The following SPNS3 variants were observed in gnomAD, a reference collection of about 807,000 sequenced individuals.
SPNS3 encodes protein spinster homolog 3.
Under a neutral mutation model 54.4 loss-of-function variants are expected in SPNS3, and 51 were observed. The ratio of observed to expected loss-of-function variants is 0.94; its 90% CI spans 0.75 to 1.18. The LOEUF is 1.18. SPNS3 is among the 50% of genes most tolerant of loss of function. The pLI is 0.00. For missense variants in SPNS3, 669 were observed against 677.4 expected (o/e 0.99, Z 0.14); for synonymous variants, 309 against 294.7 (o/e 1.05, Z -0.50).
At chr17:4,463,308 A>G (rs1441158574) in intron 8 of SPNS3, among the ~76,000 whole-genome samples, 4 of 151,438 alleles carry the variant, frequency 2.6e-5, no homozygotes, top group Non-Finnish European at 5.9e-5. Context: ...GAGGCAGGAG[A>G]ATCACTTGAG....
At chr17:4,480,960 A>G (rs892606714) in intron 9 of SPNS3, among the ~76,000 whole-genome samples, 5 of 152,104 alleles carry the variant, frequency 3.3e-5, no homozygotes, top group African/African-American at 1.2e-4. Flanking sequence ...CGGTTCCTCC[A>G]TGTTGCTGCT....
At chr17:4,441,192 T>C (rs1051593960) in intron 2 of SPNS3, among the ~76,000 whole-genome samples, 2 of 152,082 alleles carry the variant, frequency 1.3e-5, no homozygotes, top group Non-Finnish European at 2.9e-5. Context: ...TAGCTGAAAA[T>C]GTGTGGAGGA....
At chr17:4,450,614 G>T (rs1422247699) in intron 7 of SPNS3, among the ~76,000 whole-genome samples, 1 of 149,228 alleles carries the variant, frequency 6.7e-6, no homozygotes, top group Non-Finnish European at 1.5e-5. Flanking sequence ...ATTTTTTTTT[G>T]AGACAGAGTT....
chr17:4,483,985 G>C lies in SPNS3; in HGVS notation c.1180-2243G>C, dbSNP rs947369736. 2.0e-5 allele frequency among the ~76,000 whole-genome samples: 3 copies of C among 152,172 alleles called. No homozygotes were observed. Among genetic ancestry groups the C allele is most frequent in the African/African-American group, 4.8e-5 (2 of 41,432 alleles). ...CTCTTTGCCAGTTACTCTGCCATCC[G>C]TTTACAGGGCTAGTGATGAACTTGT... On this transcript the variant is annotated intron_variant, in intron 9 of 11. Coordinates refer to ENST00000355530, the MANE Select transcript of SPNS3 (RefSeq NM_182538.5). This position sits in a 1 kb window ranked among gnomAD's most constrained non-coding sequence, Gnocchi z 4.2.
At chr17:4,468,279 A>T (rs1323307239) in intron 8 of SPNS3, among the ~76,000 whole-genome samples, 3 of 152,172 alleles carry the variant, frequency 2.0e-5, no homozygotes, top group South Asian at 2.1e-4. Context: ...AGAAAAAATT[A>T]AAAAAACAAA....
At chr17:4,450,450 T>C (rs1397690110) in intron 7 of SPNS3, among the ~76,000 whole-genome samples, 2 of 145,256 alleles carry the variant, frequency 1.4e-5, no homozygotes, top group African/African-American at 2.5e-5. Flanking sequence ...GGTCTCACTC[T>C]GTCACCAGGC....
chr17:4,476,510 A>T (rs1302588562), intron 8 of SPNS3, among the ~76,000 whole-genome samples: 2 of 152,052 alleles, frequency 1.3e-5, no homozygotes, highest in African/African-American at 4.8e-5. Context: ...TGGCAATGTG[A>T]AGGGGGGAGA....
chr17:4,446,284 A>G (rs1970986040), intron 4 of SPNS3, 85 bp downstream of exon 4: 1 of 1,437,826 alleles, frequency 7.0e-7, no homozygotes, highest in Admixed American at 2.1e-5. Context: ...TGGGTAGGAG[A>G]GGTCAAACCA....
At chr17:4,468,535 T>C (rs914380786) in intron 8 of SPNS3, among the ~76,000 whole-genome samples, 8 of 150,424 alleles carry the variant, frequency 5.3e-5, no homozygotes, top group African/African-American at 2.0e-4. Context: ...CCTGAGCAGC[T>C]AGAAGCATAT....
chr17:4,464,785 AT>A (rs1444355072), intron 8 of SPNS3, among the ~76,000 whole-genome samples: 7 of 152,032 alleles, frequency 4.6e-5, no homozygotes, highest in African/African-American at 1.7e-4. Context: ...GGTTCAAGCG[AT>A]TCTCCTGTCT....
At chr17:4,473,701 G>C in intron 8 of SPNS3, among the ~76,000 whole-genome samples, 1 of 152,006 alleles carries the variant, frequency 6.6e-6, no homozygotes, top group East Asian at 1.9e-4. Context: ...TCCCAGTCTT[G>C]AAGACTCCTG....
chr17:4,445,819 G>A (rs928431256), intron 3 of SPNS3, among the ~76,000 whole-genome samples: 2 of 152,036 alleles, frequency 1.3e-5, no homozygotes, highest in Non-Finnish European at 2.9e-5. Flanking sequence ...TAGCAATGGT[G>A]GGACCCAGGA....
intron 9 of SPNS3, among the ~76,000 whole-genome samples, chr17:4,482,920 C>T (rs774292520): frequency 3.3e-5 from 5 of 152,180 alleles, no homozygotes; most frequent in Non-Finnish European, 5.9e-5. Context: ...AGTTGGGGGG[C>T]TAGAGCAGAA....
Position 4,449,369 on chromosome 17 carries a change from C to T in SPNS3, c.905C>T (p.Pro302Leu), listed in dbSNP as rs145760057. The T allele has an allele frequency of 1.9e-5, 31 of 1,602,812 alleles. No individual in the cohort carries two copies. Among genetic ancestry groups the T allele is most frequent in the Admixed American group, 3.4e-5 (2 of 58,402 alleles). The change falls in exon 7 of 12, where the codon CCG becomes CTG. Residue 302 changes from proline (P) to leucine (L), a missense_variant. Coordinates refer to ENST00000355530, the MANE Select transcript of SPNS3 (RefSeq NM_182538.5). ...HGLQPPCFQE[P>L]CSNPDSLIFG... ...CTGCAGCCTCCCTGCTTCCAGGAGCCGTGCAGCAACCCCGACAGGTGAGGG... is the reference window on the plus strand; with the variant it reads ...CTGCAGCCTCCCTGCTTCCAGGAGCTGTGCAGCAACCCCGACAGGTGAGGG...
chr17:4,445,878 C>G (rs62067395), intron 3 of SPNS3, among the ~76,000 whole-genome samples, 170 bp from the exon 4 acceptor site: 18,575 of 152,008 alleles, frequency 0.12, 1,419 homozygotes, highest in Non-Finnish European at 0.16. Context: ...AGGGGACACA[C>G]GTTTGACTTT....
At chr17:4,458,037 C>G (rs1412830242) in intron 8 of SPNS3, among the ~76,000 whole-genome samples, 1 of 151,464 alleles carries the variant, frequency 6.6e-6, no homozygotes. Flanking sequence ...TCTGTCTGTG[C>G]CTCCGTAGAA....
intron 9 of SPNS3, among the ~76,000 whole-genome samples, chr17:4,479,963 T>C (rs935349841): frequency 1.3e-5 from 2 of 152,254 alleles, no homozygotes; most frequent in African/African-American, 4.8e-5. Context: ...TCTCATTTTC[T>C]ATCCCCCAAA....
Position 4,486,334 on chromosome 17 carries a change from G to C in SPNS3, c.1278+8G>C, listed in dbSNP as rs142135743. The C allele has an allele frequency of 5.6e-6, 9 of 1,600,042 alleles. No homozygotes were observed. The highest frequency in any genetic ancestry group is 3.4e-6 in the Non-Finnish European group (4 of 1,174,356). On this transcript the variant is annotated splice_region_variant and intron_variant, in intron 10 of 11. Transcript: ENST00000355530. The surrounding 1 kb of genome is among the most constrained non-coding windows in gnomAD (Gnocchi z 5.5). ...CCCTATCTCACAGGACTTGTAAGACGTGTCTGCGTGTGTGGGGTGGGGAGG... is the reference window on the plus strand; with the variant it reads ...CCCTATCTCACAGGACTTGTAAGACCTGTCTGCGTGTGTGGGGTGGGGAGG...
In SPNS3 at chr17:4,486,619, C is replaced by T. The variant is rs376525717; in HGVS notation, c.1450+36C>T. On this transcript the variant is annotated intron_variant, in intron 11 of 11. Coordinates refer to ENST00000355530, the MANE Select transcript of SPNS3 (RefSeq NM_182538.5). This position sits in a 1 kb window ranked among gnomAD's most constrained non-coding sequence, Gnocchi z 5.5. ...CATTGCACCAGGCCCGGCTCAGGGC[C>T]GGCACCCTAGGGACAGACAGCACTG... The T allele has an allele frequency of 6.1e-5, 97 of 1,583,590 alleles. No individual in the cohort carries two copies. The highest frequency in any genetic ancestry group is 5.0e-4 in the African/African-American group (37 of 73,930).
Sources: allele counts gnomAD v4.1 joint callset (sites outside exome capture counted in the v4.1 genomes callset), GRCh38; gene constraint gnomAD v4.1.1; non-coding constraint Gnocchi (gnomAD v3.1); transcripts MANE v1.5; gene names NCBI Gene and HGNC (gene_info 2026-07-23, HGNC 2026-07-21).